Variants in WDR93 observed in about 807,000 individuals in gnomAD.
The protein encoded by WDR93 is WD repeat-containing protein 93.
Under a neutral mutation model 82.9 loss-of-function variants are expected in WDR93, and 73 were observed. The ratio of observed to expected loss-of-function variants is 0.88; its 90% CI spans 0.73 to 1.07. The LOEUF (loss-of-function observed/expected upper bound fraction) is 1.07, where lower values mean the gene tolerates loss of function less well. Among genes scored for constraint, WDR93 ranks in the 50% least tolerant of loss-of-function variants. WDR93 has a pLI of 0.00. For synonymous variants in WDR93, 283 were observed against 300.1 expected (o/e 0.94, Z 0.59); for missense variants, 738 against 826.0 (o/e 0.89, Z 1.31).
chr15:89,723,406 C>T (rs1567118448), intron 8 of WDR93, among the ~76,000 whole-genome samples: 1 of 152,172 alleles, frequency 6.6e-6, no homozygotes, highest in South Asian at 2.1e-4. Flanking sequence ...CACACCACTA[C>T]ACTCCAGCCT....
chr15:89,740,495 T>TTTTTTG (rs1330942646), intron 16 of WDR93, among the ~76,000 whole-genome samples: 6 of 151,826 alleles, frequency 4.0e-5, no homozygotes, highest in Middle Eastern at 6.8e-3. Flanking sequence ...AGGGTTTTTG[T>TTTTTTG]TTTTTGTTTT....
intron 7 of WDR93, among the ~76,000 whole-genome samples, chr15:89,720,760 A>G (rs59546149): frequency 5.2e-4 from 79 of 152,338 alleles, no homozygotes; most frequent in African/African-American, 1.8e-3. Flanking sequence ...TGTGGATTAT[A>G]TTGGTAAGTG....
chr15:89,692,789 G>T (rs1964966002), intron 1 of WDR93, among the ~76,000 whole-genome samples: 1 of 152,016 alleles, frequency 6.6e-6, no homozygotes, highest in South Asian at 2.1e-4. Flanking sequence ...TATATTTTTA[G>T]TAGAGATGGT....
At chr15:89,734,496 T>C (rs947873106) in intron 13 of WDR93, among the ~76,000 whole-genome samples, 2 of 152,148 alleles carry the variant, frequency 1.3e-5, no homozygotes, top group Non-Finnish European at 2.9e-5. Context: ...CACAAATGCT[T>C]TTCAAGCTTC....
At chr15:89,737,454 C>A in intron 14 of WDR93, 119 bp from the exon 15 acceptor site, 1 of 1,345,120 alleles carries the variant, frequency 7.4e-7, no homozygotes, top group Non-Finnish European at 1.0e-6. Flanking sequence ...GAGGCTGGGG[C>A]CCAAGAGGTT....
intron 6 of WDR93, among the ~76,000 whole-genome samples, chr15:89,716,306 C>T (rs969818525): frequency 2.6e-5 from 4 of 152,162 alleles, no homozygotes; most frequent in Non-Finnish European, 4.4e-5. Context: ...ATCCTCTTGT[C>T]TTCAATGGAT....
intron 1 of WDR93, among the ~76,000 whole-genome samples, chr15:89,698,785 A>T (rs1343658277): frequency 6.6e-6 from 1 of 152,106 alleles, no homozygotes; most frequent in African/African-American, 2.4e-5. Flanking sequence ...ATATCTTTTA[A>T]AGAGATTTAA....
At chr15:89,724,830 G>A (rs1386392873) in intron 8 of WDR93, among the ~76,000 whole-genome samples, 5 of 152,218 alleles carry the variant, frequency 3.3e-5, no homozygotes, top group African/African-American at 1.2e-4. Flanking sequence ...GTGAAGATGT[G>A]GAACAATCAG....
intron 7 of WDR93, among the ~76,000 whole-genome samples, chr15:89,717,662 C>T (rs1046288070): frequency 6.6e-6 from 1 of 152,222 alleles, no homozygotes; most frequent in Non-Finnish European, 1.5e-5. Flanking sequence ...TAACCATAAT[C>T]ACTTAATTCC....
In WDR93 at chr15:89,705,992, G is replaced by A. The variant is rs373096795; in HGVS notation, c.561+374G>A. ...CAAATGCTCTCCTTGTCTCCCTGCC[G>A]CCTTGTCTCCCTACCAAAATTTCCC... On this transcript the variant is annotated intron_variant, in intron 4 of 16. Coordinates refer to ENST00000268130, the MANE Select transcript of WDR93 (RefSeq NM_020212.2). Among the ~76,000 whole-genome samples, 7 of 152,026 alleles carry A rather than the reference G, an allele frequency of 4.6e-5. No homozygotes were observed. The East Asian group carries it at 1.2e-3, about 25-fold the overall frequency.
intron 11 of WDR93, among the ~76,000 whole-genome samples, 183 bp downstream of exon 11, chr15:89,729,952 G>A (rs1966845268): frequency 1.3e-5 from 2 of 152,176 alleles, no homozygotes; most frequent in Non-Finnish European, 2.9e-5. Context: ...GAAATGTCAT[G>A]TTCCTTAAAG....
chr15:89,723,023 G>A (rs1038159660), intron 8 of WDR93, among the ~76,000 whole-genome samples: 9 of 151,880 alleles, frequency 5.9e-5, no homozygotes, highest in Admixed American at 2.6e-4. Context: ...TGGGGAACAT[G>A]GCAAAACCCC....
At chr15:89,696,337 A>G (rs1965173305) in intron 1 of WDR93, among the ~76,000 whole-genome samples, 1 of 152,194 alleles carries the variant, frequency 6.6e-6, no homozygotes, top group Admixed American at 6.5e-5. Flanking sequence ...ACTGATTAGT[A>G]TTCTATTATA....
At chr15:89,695,408 A>G (rs1216572276) in intron 1 of WDR93, among the ~76,000 whole-genome samples, 1 of 152,168 alleles carries the variant, frequency 6.6e-6, no homozygotes, top group Non-Finnish European at 1.5e-5. Context: ...ATCATAGCTC[A>G]CTGCAACCTT....
chr15:89,700,045 A>T (rs1965379915), intron 1 of WDR93, among the ~76,000 whole-genome samples: 1 of 152,142 alleles, frequency 6.6e-6, no homozygotes, highest in African/African-American at 2.4e-5. Flanking sequence ...CATTCCTCTA[A>T]ATATTCTTGA....
In WDR93 at chr15:89,729,008, G is replaced by A. The variant is rs757119151; in HGVS notation, c.1053-15G>A. 5 of 1,612,852 alleles carry A rather than the reference G, an allele frequency of 3.1e-6. No homozygotes were observed. The highest frequency in any genetic ancestry group is 3.3e-5 in the Admixed American group (2 of 60,000). On this transcript the variant is annotated splice_polypyrimidine_tract_variant and intron_variant, in intron 9 of 16. Coordinates refer to ENST00000268130, the MANE Select transcript of WDR93 (RefSeq NM_020212.2). The stretch of plus-strand genomic sequence containing the variant: ...GAGTCTACATGGCTCTGACTCGTGT[G>A]TCTTTCTTTCCCAGTACGGCCACCT...
intron 13 of WDR93, among the ~76,000 whole-genome samples, chr15:89,734,113 T>A (rs1267944685): frequency 1.3e-5 from 2 of 152,174 alleles, no homozygotes; most frequent in African/African-American, 4.8e-5. Flanking sequence ...CCATTTGGGC[T>A]CCCTGCATGG....
Position 89,737,604 on chromosome 15 carries a change from G to C in WDR93, c.1640G>C (p.Cys547Ser). The C allele has an allele frequency of 6.2e-7, 1 of 1,614,228 alleles. No individual in the cohort carries two copies. Among genetic ancestry groups the C allele is most frequent in the Non-Finnish European group, 8.5e-7 (1 of 1,180,042 alleles). Residue 547 changes from cysteine to serine, a missense_variant, in exon 15 of 17, where the codon TGC becomes TCC. By Grantham distance (112) the Cys-to-Ser change is moderately radical. Transcript: ENST00000268130. Reference protein sequence around the residue: ...VLIFSKNGSVCLMDVAKREII... With the variant: ...VLIFSKNGSVSLMDVAKREII... ...ATCTTTTCCAAGAATGGCTCTGTGT[G>C]CCTTATGGATGTGGCCAAGCGTGAA... is the stretch of plus-strand genomic sequence containing the variant.
At chr15:89,709,461 G>A (rs1965865621) in intron 4 of WDR93, among the ~76,000 whole-genome samples, 1 of 151,716 alleles carries the variant, frequency 6.6e-6, no homozygotes, top group African/African-American at 2.4e-5. Context: ...ATAAGAAAAT[G>A]TAAAAACAAG....
Sources: gnomAD v4.1 joint callset for allele counts (sites outside exome capture counted in the v4.1 genomes callset) on GRCh38, gnomAD v4.1.1 for gene constraint, MANE v1.5 for transcripts, NCBI Gene and HGNC (gene_info 2026-07-23, HGNC 2026-07-21) for gene names.